KCNB2: variants seen among roughly 807,000 people sequenced by gnomAD.
The protein encoded by KCNB2 is delayed rectifier potassium channel protein.
Under a neutral mutation model 61.5 loss-of-function variants are expected in KCNB2, and 15 were observed. The observed-to-expected ratio is 0.24, with a 90% CI of 0.16 to 0.38. KCNB2 has a LOEUF of 0.38. Among genes scored for constraint, KCNB2 ranks in the 10% least tolerant of loss-of-function variants. The pLI is 1.00. For missense variants in KCNB2, 828 were observed against 1,125.2 expected (o/e 0.74, Z 3.78); for synonymous variants, 457 against 446.0 (o/e 1.02, Z -0.31).
chr8:72,695,126 A>G (rs752373548), intron 2 of KCNB2, among the ~76,000 whole-genome samples: 2 of 152,192 alleles, frequency 1.3e-5, no homozygotes, highest in Non-Finnish European at 2.9e-5. Context: ...ACTAAATGAT[A>G]TAATCAACAT....
At chr8:72,670,453 A>T (rs1467993990) in intron 2 of KCNB2, among the ~76,000 whole-genome samples, 1 of 152,166 alleles carries the variant, frequency 6.6e-6, no homozygotes, top group Non-Finnish European at 1.5e-5. Context: ...ACAAGATTTC[A>T]TGGGAACAGT....
chr8:72,674,584 A>T (rs546193054), intron 2 of KCNB2, among the ~76,000 whole-genome samples: 1 of 152,366 alleles, frequency 6.6e-6, no homozygotes, highest in East Asian at 1.9e-4. Context: ...CGTGATAAAG[A>T]TTGTAATTCT....
At chr8:72,914,193 A>G (rs1218979288) in intron 2 of KCNB2, among the ~76,000 whole-genome samples, 3 of 152,098 alleles carry the variant, frequency 2.0e-5, no homozygotes, top group Non-Finnish European at 4.4e-5. Context: ...TACTCATCCC[A>G]TTGATGTGGG....
At chr8:72,900,223 C>G (rs142557363) in intron 2 of KCNB2, among the ~76,000 whole-genome samples, 1,791 of 152,104 alleles carry the variant, frequency 0.012, 32 homozygotes, top group African/African-American at 0.041. Flanking sequence ...TTTGACAAAG[C>G]TGACAAAAAC....
At chr8:72,749,874 C>T (rs972939556) in intron 2 of KCNB2, among the ~76,000 whole-genome samples, 4 of 145,268 alleles carry the variant, frequency 2.8e-5, no homozygotes, top group African/African-American at 1.0e-4. Flanking sequence ...TATATATATA[C>T]ATCCATGTTT....
rs558694957 is a variant in KCNB2 at position 72,546,202 on chromosome 8, A to T, written c.-94+8317A>T. The stretch of plus-strand genomic sequence containing the variant: ...TTGGTTCACAGGTTTAAAAAAAAAT[A>T]AGCCATCTCCGTGATACAAAAGTGC... On this transcript the variant is annotated intron_variant, in intron 1 of 2. Coordinates refer to ENST00000523207, the MANE Select transcript of KCNB2 (RefSeq NM_004770.3). 3.9e-4 allele frequency among the ~76,000 whole-genome samples: 59 copies of T among 152,172 alleles called. No homozygotes were observed. The South Asian group carries it at 0.012, about 32-fold the overall frequency.
chr8:72,928,438 C>T (rs1240747143), intron 2 of KCNB2, among the ~76,000 whole-genome samples: 3 of 151,952 alleles, frequency 2.0e-5, no homozygotes, highest in South Asian at 2.1e-4. Flanking sequence ...TCAAGTGATC[C>T]GTGCGCCTTG....
chr8:72,883,870 C>A (rs1313403067), intron 2 of KCNB2, among the ~76,000 whole-genome samples: 1 of 152,036 alleles, frequency 6.6e-6, no homozygotes, highest in Non-Finnish European at 1.5e-5. Context: ...TTGCTGTTAC[C>A]AACAACACTG....
chr8:72,861,591 G>A (rs867314245), intron 2 of KCNB2, among the ~76,000 whole-genome samples: 4 of 152,266 alleles, frequency 2.6e-5, no homozygotes, highest in African/African-American at 4.8e-5. Context: ...GAGGAGGCCC[G>A]AGCTGGTTTT....
At chr8:72,663,942 T>G (rs1229419558) in intron 2 of KCNB2, among the ~76,000 whole-genome samples, 4 of 152,214 alleles carry the variant, frequency 2.6e-5, no homozygotes, top group Non-Finnish European at 4.4e-5. Context: ...CCTCTTTCCA[T>G]AAATAAATGG....
At chr8:72,785,391 C>T (rs2251233) in intron 2 of KCNB2, among the ~76,000 whole-genome samples, 52,188 of 151,990 alleles carry the variant, frequency 0.34, 9,416 homozygotes, top group African/African-American at 0.45. Flanking sequence ...CTTATATTTC[C>T]CTAGGACTGT....
At chr8:72,825,749 T>C (rs1809586209) in intron 2 of KCNB2, among the ~76,000 whole-genome samples, 1 of 152,190 alleles carries the variant, frequency 6.6e-6, no homozygotes, top group Admixed American at 6.5e-5. Flanking sequence ...CATTGTTTGG[T>C]TTTTTTAATT....
At chr8:72,883,914 CAT>C (rs1300859582) in intron 2 of KCNB2, among the ~76,000 whole-genome samples, 4 of 152,196 alleles carry the variant, frequency 2.6e-5, no homozygotes, top group African/African-American at 7.2e-5. Flanking sequence ...TCCCTACACA[CAT>C]GTGTACGGGT....
intron 2 of KCNB2, chr8:72,618,816 G>T: frequency 4.4e-6 from 1 of 227,776 alleles, no homozygotes; most frequent in Non-Finnish European, 9.0e-6. Flanking sequence ...AGCAAGAGAT[G>T]GATTCAGCAT....
At chr8:72,909,136 A>C (rs1392892291) in intron 2 of KCNB2, among the ~76,000 whole-genome samples, 1 of 152,138 alleles carries the variant, frequency 6.6e-6, no homozygotes. Context: ...TGAGCCAAAA[A>C]CAACAGCAAA....
chr8:72,868,483 C>G (rs1805567159), intron 2 of KCNB2, among the ~76,000 whole-genome samples: 1 of 151,792 alleles, frequency 6.6e-6, no homozygotes, highest in South Asian at 2.1e-4. Flanking sequence ...GAGGCTGAGA[C>G]AGGAGAATCG....
chr8:72,608,174 C>A (rs1805482917), intron 2 of KCNB2, among the ~76,000 whole-genome samples: 1 of 151,990 alleles, frequency 6.6e-6, no homozygotes, highest in Admixed American at 6.6e-5. Context: ...GAAGAAAGCC[C>A]CTTGGAGAAG....
intron 2 of KCNB2, among the ~76,000 whole-genome samples, chr8:72,846,347 A>G (rs1367292230): frequency 2.0e-5 from 3 of 152,180 alleles, no homozygotes; most frequent in East Asian, 3.9e-4. Context: ...GGACATAGGC[A>G]TGGGCAAGGA....
In KCNB2 at chr8:72,685,584, T is replaced by C. The variant is rs59342026; in HGVS notation, c.579+117271T>C. On this transcript the variant is annotated intron_variant, in intron 2 of 2. Coordinates refer to ENST00000523207, the MANE Select transcript of KCNB2 (RefSeq NM_004770.3). ...CGAGTAACAAGCCTACCTAACTAAATGTAGGGGTCAAAGAAGGTAACATAG... is the reference window on the plus strand; with the variant it reads ...CGAGTAACAAGCCTACCTAACTAAACGTAGGGGTCAAAGAAGGTAACATAG... Among the ~76,000 whole-genome samples, 288 of 152,092 alleles carry C rather than the reference T, an allele frequency of 1.9e-3. 2 individuals are homozygous for C. The highest frequency in any genetic ancestry group is 6.6e-3 in the African/African-American group (275 of 41,464).
Sources: gnomAD v4.1 joint callset for allele counts (sites outside exome capture counted in the v4.1 genomes callset) on GRCh38, gnomAD v4.1.1 for gene constraint, MANE v1.5 for transcripts, NCBI Gene and HGNC (gene_info 2026-07-23, HGNC 2026-07-21) for gene names.